The following TMEM9 variants were observed in gnomAD, a reference collection of about 807,000 sequenced individuals.
TMEM9 encodes the protein transmembrane protein 9, also known as proton-transporting V-type ATPase complex assembly regulator TMEM9.
A neutral mutation model predicts 22.8 loss-of-function variants in TMEM9; 13 were observed. The ratio of observed to expected loss-of-function variants is 0.57; its 90% CI spans 0.37 to 0.91. The LOEUF is 0.91. TMEM9 is among the 40% of genes least tolerant of loss of function. The probability of loss-of-function intolerance (pLI) is 0.01; values close to 1 mark genes in which losing one functional copy is unlikely to be tolerated. For synonymous variants in TMEM9, 88 were observed against 93.0 expected (o/e 0.95, Z 0.31); for missense variants, 182 against 238.1 (o/e 0.76, Z 1.55).
chr1:201,135,448 C>A lies in TMEM9; in HGVS notation c.*215G>T. 2.2e-6 allele frequency: 1 copy of A among 461,608 alleles called. No individual in the cohort carries two copies. The highest frequency in any genetic ancestry group is 3.7e-6 in the Non-Finnish European group (1 of 270,198). 28.6% of individuals were successfully genotyped at this position (461,608 alleles called of 1,614,324 possible). ...TCCCCCTCCCTTCAACCCCAAAGACCCAAGAAGACAACAGAGATCAGAGAC... is the reference window on the plus strand; with the variant it reads ...TCCCCCTCCCTTCAACCCCAAAGACACAAGAAGACAACAGAGATCAGAGAC... On this transcript the variant is annotated 3_prime_UTR_variant, in exon 5 of 5. Coordinates refer to ENST00000367330, the MANE Select transcript of TMEM9 (RefSeq NM_001288565.2).
At chr1:201,164,311 C>T (rs1021176702) in intron 1 of TMEM9, among the ~76,000 whole-genome samples, 7 of 152,094 alleles carry the variant, frequency 4.6e-5, no homozygotes, top group African/African-American at 9.7e-5. Context: ...ATTATGGAAA[C>T]GTTAATAACC....
intron 1 of TMEM9, among the ~76,000 whole-genome samples, chr1:201,159,652 G>A (rs1226690147): frequency 6.7e-6 from 1 of 149,900 alleles, no homozygotes; most frequent in Non-Finnish European, 1.5e-5. Flanking sequence ...GACCTCAAGC[G>A]ATCCTTCTGC....
At chr1:201,138,926 A>G (rs895236819) in intron 4 of TMEM9, among the ~76,000 whole-genome samples, 1 of 152,198 alleles carries the variant, frequency 6.6e-6, no homozygotes, top group African/African-American at 2.4e-5. Flanking sequence ...GGACAACCAA[A>G]GAGACAGGCT....
intron 4 of TMEM9, among the ~76,000 whole-genome samples, chr1:201,138,418 A>G (rs1431322715): frequency 6.6e-6 from 1 of 152,242 alleles, no homozygotes; most frequent in African/African-American, 2.4e-5. Flanking sequence ...TCTGTTTCAG[A>G]GACAGCCCAG....
At chr1:201,160,224 C>A (rs1229547465) in intron 1 of TMEM9, among the ~76,000 whole-genome samples, 1 of 152,224 alleles carries the variant, frequency 6.6e-6, no homozygotes. Context: ...CCTCAGTTTC[C>A]CCCTGAAAAG....
At chr1:201,169,750 C>CA (rs1241062335) in intron 1 of TMEM9, among the ~76,000 whole-genome samples, 2 of 152,046 alleles carry the variant, frequency 1.3e-5, no homozygotes, top group African/African-American at 4.8e-5. Context: ...GATTAAATAT[C>CA]AGATGAAAAG....
rs532093122 is a variant in TMEM9 at position 201,149,131 on chromosome 1, T to C, written c.159-2283A>G. On this transcript the variant is annotated intron_variant, in intron 2 of 4. Coordinates refer to ENST00000367330, the MANE Select transcript of TMEM9 (RefSeq NM_001288565.2). Reference sequence around the variant, plus strand: ...GACCTGAGTTCTTCAATGTGGGATCTTGCTACCCAGGGGAACAGCAATAAG... The same window carrying C: ...GACCTGAGTTCTTCAATGTGGGATCCTGCTACCCAGGGGAACAGCAATAAG... Among the ~76,000 whole-genome samples, 23 of 152,340 alleles carry C rather than the reference T, an allele frequency of 1.5e-4. No homozygotes were observed. In the South Asian group the frequency reaches 4.8e-3, roughly 32 times the overall value.
rs1053022203 is a variant in TMEM9 at position 201,154,457 on chromosome 1, T to C, written c.-534A>G. The C allele has an allele frequency of 6.7e-6, 1 of 150,098 alleles. No homozygotes were observed. The highest frequency in any genetic ancestry group is 1.4e-5 in the Non-Finnish European group (1 of 69,000). 9.3% of individuals were successfully genotyped at this position (150,098 alleles called of 1,614,324 possible). On this transcript the variant is annotated 5_prime_UTR_variant, in exon 1 of 5. Coordinates refer to ENST00000367330, the MANE Select transcript of TMEM9 (RefSeq NM_001288565.2). ...CGCGTCCACGAACCTACAAGCCCGC[T>C]GCAGCCGCAAAAGACCCAGTTGTCC...
chr1:201,153,321 T>A (rs1237951170), intron 1 of TMEM9, among the ~76,000 whole-genome samples: 1 of 152,190 alleles, frequency 6.6e-6, no homozygotes, highest in African/African-American at 2.4e-5. Context: ...CATGGGTGCC[T>A]GAGATAGTGA....
At chr1:201,148,250 C>A (rs1572119630) in intron 2 of TMEM9, among the ~76,000 whole-genome samples, 1 of 152,166 alleles carries the variant, frequency 6.6e-6, no homozygotes, top group African/African-American at 2.4e-5. Flanking sequence ...CAAATCTAGA[C>A]CCTCAGCCAC....
chr1:201,169,460 G>GAC (rs1666162388), intron 1 of TMEM9, among the ~76,000 whole-genome samples: 1 of 152,192 alleles, frequency 6.6e-6, no homozygotes, highest in African/African-American at 2.4e-5. Context: ...CCATGTTACG[G>GAC]ACACATGCTC....
intron 2 of TMEM9, 81 bp downstream of exon 2, chr1:201,151,680 C>A (rs1451236742): frequency 9.9e-7 from 1 of 1,014,608 alleles, no homozygotes; most frequent in African/African-American, 1.6e-5. Flanking sequence ...GCATGCTTAT[C>A]CTCCAGGGTC....
intron 1 of TMEM9, among the ~76,000 whole-genome samples, chr1:201,153,350 G>T (rs1665578807): frequency 6.6e-6 from 1 of 152,184 alleles, no homozygotes; most frequent in Non-Finnish European, 1.5e-5. Context: ...CTTTCTGATG[G>T]TTCAGTGTAG....
chr1:201,166,385 A>G (rs1244470998), intron 1 of TMEM9, among the ~76,000 whole-genome samples: 1 of 145,022 alleles, frequency 6.9e-6, no homozygotes, highest in Non-Finnish European at 1.5e-5. Flanking sequence ...TTTTTGATAC[A>G]GAGTCTCACT....
intron 4 of TMEM9, among the ~76,000 whole-genome samples, chr1:201,143,360 G>A (rs961343304): frequency 6.6e-6 from 1 of 152,216 alleles, no homozygotes; most frequent in African/African-American, 2.4e-5. Flanking sequence ...TTCCGCTCTT[G>A]AAATCCTACA....
chr1:201,161,414 G>C (rs1665944977), intron 1 of TMEM9, among the ~76,000 whole-genome samples: 2 of 152,176 alleles, frequency 1.3e-5, no homozygotes, highest in Admixed American at 1.3e-4. Context: ...AAGGCCCTAA[G>C]TTTCCTACCA....
intron 3 of TMEM9, chr1:201,144,969 A>C (rs935181952): frequency 1.3e-5 from 2 of 152,248 alleles, no homozygotes; most frequent in African/African-American, 4.8e-5. Flanking sequence ...GACTGTGAAG[A>C]AGAGTGAAAA....
chr1:201,146,605 T>G, intron 3 of TMEM9, 135 bp downstream of exon 3: 1 of 938,580 alleles, frequency 1.1e-6, no homozygotes, highest in Non-Finnish European at 1.7e-6. Context: ...GTGTCTGCAC[T>G]AGGCCAGCCT....
At chr1:201,152,564 C>G (rs1665515964) in intron 1 of TMEM9, among the ~76,000 whole-genome samples, 1 of 152,184 alleles carries the variant, frequency 6.6e-6, no homozygotes, top group African/African-American at 2.4e-5. Flanking sequence ...AGTCCCAGAA[C>G]TTAGGTGGGT....
Sources: allele counts gnomAD v4.1 joint callset (sites outside exome capture counted in the v4.1 genomes callset), GRCh38; gene constraint gnomAD v4.1.1; transcripts MANE v1.5; gene names NCBI Gene and HGNC (gene_info 2026-07-23, HGNC 2026-07-21).